GPC6: variants seen among roughly 807,000 people sequenced by gnomAD.
The protein encoded by GPC6 is glypican-6.
Under a neutral mutation model 55.2 loss-of-function variants are expected in GPC6, and 14 were observed. The observed-to-expected ratio is 0.25, with a 90% CI of 0.17 to 0.40. The LOEUF is 0.40. Among genes scored for constraint, GPC6 ranks in the 10% least tolerant of loss-of-function variants. The pLI is 1.00. For missense variants in GPC6, 641 were observed against 708.5 expected, an observed-to-expected ratio of 0.90 and a Z score of 1.08; for synonymous variants, 278 against 259.6, an observed-to-expected ratio of 1.07 and a Z score of -0.68.
intron 2 of GPC6, among the ~76,000 whole-genome samples, chr13:93,613,604 C>T (rs1190623385): frequency 6.6e-6 from 1 of 151,702 alleles, no homozygotes; most frequent in South Asian, 2.1e-4. Context: ...CTTGTTTGTC[C>T]AGTCCTTGGT....
intron 2 of GPC6, among the ~76,000 whole-genome samples, chr13:93,566,037 T>C (rs1566427051): frequency 1.3e-5 from 2 of 152,194 alleles, no homozygotes; most frequent in Admixed American, 1.3e-4. Context: ...AATTACCTTT[T>C]GATGATACGT....
At chr13:93,500,771 A>C (rs1880491780) in intron 1 of GPC6, among the ~76,000 whole-genome samples, 1 of 152,296 alleles carries the variant, frequency 6.6e-6, no homozygotes, top group African/African-American at 2.4e-5. Context: ...GTTATGCTTA[A>C]AAATAGACAA....
chr13:93,477,537 T>C (rs1273038656), intron 1 of GPC6, among the ~76,000 whole-genome samples: 1 of 152,158 alleles, frequency 6.6e-6, no homozygotes, highest in African/African-American at 2.4e-5. Flanking sequence ...AGTAAGATCT[T>C]GCAGTAGATT....
chr13:93,278,932 C>T (rs912481406), intron 1 of GPC6, among the ~76,000 whole-genome samples: 6 of 152,024 alleles, frequency 3.9e-5, no homozygotes, highest in African/African-American at 1.5e-4. Flanking sequence ...CTATAGGTAT[C>T]CCATAACATC....
chr13:93,836,697 T>C (rs933731612), intron 3 of GPC6, among the ~76,000 whole-genome samples: 1 of 152,140 alleles, frequency 6.6e-6, no homozygotes, highest in African/African-American at 2.4e-5. Context: ...TCGAGTATTA[T>C]ATTATATTTA....
In GPC6 at chr13:93,900,592, A is replaced by G. The variant is rs929106603; in HGVS notation, c.711+70047A>G. ...AATCTTTTGTTCTTCCCTAACCTTT[A>G]TGTTTTTCTGCTGCAGTTTTATCTC... On this transcript the variant is annotated intron_variant, in intron 3 of 8. Coordinates refer to ENST00000377047, the MANE Select transcript of GPC6 (RefSeq NM_005708.5). 3.9e-5 allele frequency among the ~76,000 whole-genome samples: 6 copies of G among 152,080 alleles called. No homozygotes were observed. The South Asian group carries it at 1.0e-3, about 26-fold the overall frequency.
intron 4 of GPC6, among the ~76,000 whole-genome samples, chr13:94,270,418 A>G (rs903419291): frequency 6.6e-6 from 1 of 152,238 alleles, no homozygotes; most frequent in African/African-American, 2.4e-5. Context: ...ATGCTTTCAT[A>G]GAATAATGAG....
chr13:93,867,697 G>A (rs1411513), intron 3 of GPC6, among the ~76,000 whole-genome samples: 46,354 of 151,544 alleles, frequency 0.31, 7,277 homozygotes, highest in African/African-American at 0.35. Flanking sequence ...CTGCTCCACT[G>A]TGAGCTTTTC....
intron 4 of GPC6, among the ~76,000 whole-genome samples, chr13:94,277,651 C>G (rs1005706895): frequency 6.6e-6 from 1 of 152,142 alleles, no homozygotes; most frequent in African/African-American, 2.4e-5. Context: ...CTGCATGTGG[C>G]TAGCCAGTTT....
intron 2 of GPC6, among the ~76,000 whole-genome samples, chr13:93,714,887 G>C (rs1011040715): frequency 2.0e-5 from 3 of 151,604 alleles, no homozygotes; most frequent in Admixed American, 2.0e-4. Context: ...CCAGGGAACA[G>C]TCCCTTTTCT....
chr13:93,720,847 T>C (rs570647563), intron 2 of GPC6, among the ~76,000 whole-genome samples: 1 of 152,208 alleles, frequency 6.6e-6, no homozygotes, highest in Admixed American at 6.6e-5. Context: ...CAGGAGCAGA[T>C]TGTTCAGTTT....
intron 1 of GPC6, among the ~76,000 whole-genome samples, chr13:93,321,197 A>G (rs1879426028): frequency 6.6e-6 from 1 of 152,120 alleles, no homozygotes; most frequent in Admixed American, 6.5e-5. Flanking sequence ...TAGTTTGCTA[A>G]TTTCCCATCT....
intron 3 of GPC6, among the ~76,000 whole-genome samples, chr13:93,932,618 A>C (rs1165736266): frequency 6.6e-6 from 1 of 152,186 alleles, no homozygotes; most frequent in Admixed American, 6.5e-5. Context: ...AAATAAATGA[A>C]ACATCTCATG....
chr13:94,153,594 CCATTTAAAAATGT>C (rs1233452689), intron 4 of GPC6, among the ~76,000 whole-genome samples: 1 of 152,090 alleles, frequency 6.6e-6, no homozygotes, highest in African/African-American at 2.4e-5. Flanking sequence ...GTCCTATCTA[CCATTTAAAAATGT>C]CATGTAGGAG....
chr13:94,268,311 A>G (rs1378997180), intron 4 of GPC6, among the ~76,000 whole-genome samples: 1 of 152,208 alleles, frequency 6.6e-6, no homozygotes, highest in African/African-American at 2.4e-5. Context: ...AACACATTGA[A>G]TATACATAGA....
At chr13:93,776,841 G>A (rs931051222) in intron 2 of GPC6, among the ~76,000 whole-genome samples, 2 of 152,130 alleles carry the variant, frequency 1.3e-5, no homozygotes, top group African/African-American at 4.8e-5. Context: ...TGACTGGTTT[G>A]CAGGCTTACA....
intron 6 of GPC6, among the ~76,000 whole-genome samples, chr13:94,316,147 T>C (rs149046721): frequency 2.2e-4 from 34 of 152,262 alleles, no homozygotes; most frequent in African/African-American, 7.5e-4. Context: ...CCAACTCTTC[T>C]ATGGTCTTTT....
At chr13:93,819,370 A>G (rs896766019) in intron 2 of GPC6, among the ~76,000 whole-genome samples, 1 of 152,216 alleles carries the variant, frequency 6.6e-6, no homozygotes, top group Admixed American at 6.5e-5. Context: ...GTTTGTGAAC[A>G]GGTTAATATA....
At chr13:93,371,695 G>A (rs748283097) in intron 1 of GPC6, among the ~76,000 whole-genome samples, 19 of 152,086 alleles carry the variant, frequency 1.2e-4, no homozygotes, top group Non-Finnish European at 2.2e-4. Context: ...TATCAGGTAA[G>A]CAGTAAGGCT....
Sources: gnomAD v4.1 joint callset for allele counts (sites outside exome capture counted in the v4.1 genomes callset) on GRCh38, gnomAD v4.1.1 for gene constraint, MANE v1.5 for transcripts, NCBI Gene and HGNC (gene_info 2026-07-23, HGNC 2026-07-21) for gene names.